The following TSNARE1 variants were observed in gnomAD, a reference collection of about 807,000 sequenced individuals.
The protein encoded by TSNARE1 is t-SNARE domain containing 1.
Under a neutral mutation model 62.0 loss-of-function variants are expected in TSNARE1, and 49 were observed. The ratio of observed to expected loss-of-function variants is 0.79; its 90% CI spans 0.63 to 1.00. The LOEUF (loss-of-function observed/expected upper bound fraction) is 1.00. Among genes scored for constraint, TSNARE1 ranks in the 50% least tolerant of loss-of-function variants. The probability of loss-of-function intolerance (pLI) is 0.00; values close to 1 mark genes in which losing one functional copy is unlikely to be tolerated. For missense variants in TSNARE1, 755 were observed against 700.1 expected (o/e 1.08, Z -0.88); for synonymous variants, 328 against 294.4 (o/e 1.11, Z -1.17).
At chr8:142,222,843 TTCATCCACTCAC>T (rs1481246812) in intron 13 of TSNARE1, among the ~76,000 whole-genome samples, 2 of 98,138 alleles carry the variant, frequency 2.0e-5, no homozygotes, top group Non-Finnish European at 4.2e-5. Flanking sequence ...CACTCACTCA[TTCATCCACTCAC>T]TCATCCACTC....
chr8:142,223,129 T>TCAC (rs1554624347), intron 13 of TSNARE1, among the ~76,000 whole-genome samples: 1 of 63,560 alleles, frequency 1.6e-5, no homozygotes, highest in Non-Finnish European at 3.5e-5. Flanking sequence ...CATTCACTCA[T>TCAC]TCACTCATTC....
chr8:142,360,399 C>T (rs1250519964), intron 1 of TSNARE1, among the ~76,000 whole-genome samples: 1 of 152,130 alleles, frequency 6.6e-6, no homozygotes, highest in South Asian at 2.1e-4. Flanking sequence ...TTCGCAGCCC[C>T]GCTGAGCGGA....
At chr8:142,340,860 G>C (rs368224296) in intron 4 of TSNARE1, among the ~76,000 whole-genome samples, 2 of 152,240 alleles carry the variant, frequency 1.3e-5, no homozygotes, top group Non-Finnish European at 2.9e-5. Context: ...ATGACACCAC[G>C]TGCCTAGACA....
intron 5 of TSNARE1, among the ~76,000 whole-genome samples, chr8:142,331,230 T>A (rs144993121): frequency 6.6e-6 from 1 of 152,244 alleles, no homozygotes; most frequent in Non-Finnish European, 1.5e-5. Flanking sequence ...TCTGAGGAGC[T>A]GCCTCCAGCA....
At chr8:142,373,545 C>T (rs181603896) in intron 1 of TSNARE1, among the ~76,000 whole-genome samples, 4 of 152,234 alleles carry the variant, frequency 2.6e-5, no homozygotes, top group East Asian at 1.9e-4. Flanking sequence ...GGCAGGCCCA[C>T]GAGCTCCATG....
intron 11 of TSNARE1, chr8:142,276,528 G>A (rs1820529196): frequency 2.0e-6 from 2 of 985,344 alleles, no homozygotes; most frequent in Non-Finnish European, 1.2e-6. Flanking sequence ...GTGGACAGTG[G>A]AGAGCATTTG....
At chr8:142,338,707 G>T (rs111638447) in intron 4 of TSNARE1, among the ~76,000 whole-genome samples, 4,750 of 152,356 alleles carry the variant, frequency 0.031, 270 homozygotes, top group African/African-American at 0.11. Context: ...ATGTGGCCCC[G>T]GCTCAGGTTC....
intron 13 of TSNARE1, among the ~76,000 whole-genome samples, chr8:142,222,387 G>C (rs62650714): frequency 0.33 from 8,438 of 25,620 alleles, 2,530 homozygotes; most frequent in Middle Eastern, 0.52. Flanking sequence ...CACTCACTCA[G>C]TCATCCACTC....
intron 9 of TSNARE1, among the ~76,000 whole-genome samples, chr8:142,311,536 A>G (rs1827628295): frequency 6.6e-6 from 1 of 151,834 alleles, no homozygotes; most frequent in Non-Finnish European, 1.5e-5. Context: ...ACCTCAGGTG[A>G]TCCACCCACC....
At chr8:142,221,762 CACT>C (rs1816239856) in intron 13 of TSNARE1, among the ~76,000 whole-genome samples, 1 of 151,006 alleles carries the variant, frequency 6.6e-6, no homozygotes, top group Non-Finnish European at 1.5e-5. Flanking sequence ...CTCATTCACT[CACT>C]CACTCACTCA....
intron 1 of TSNARE1, among the ~76,000 whole-genome samples, chr8:142,388,006 T>C (rs1295098148): frequency 6.6e-6 from 1 of 152,122 alleles, no homozygotes; most frequent in African/African-American, 2.4e-5. Flanking sequence ...TAAAAATCAA[T>C]TAAATATCAG....
chr8:142,255,428 C>G (rs1196193744), intron 12 of TSNARE1, among the ~76,000 whole-genome samples: 3 of 95,500 alleles, frequency 3.1e-5, no homozygotes, highest in African/African-American at 4.9e-5. Flanking sequence ...ATCACCACCA[C>G]CACCACTGTC....
At chr8:142,299,228 C>A (rs533019590) in intron 10 of TSNARE1, among the ~76,000 whole-genome samples, 1 of 152,318 alleles carries the variant, frequency 6.6e-6, no homozygotes, top group African/African-American at 2.4e-5. Flanking sequence ...AACTAAGGGG[C>A]AAGGGAGAAG....
chr8:142,293,001 T>C (rs570728267), intron 10 of TSNARE1, among the ~76,000 whole-genome samples: 2 of 152,196 alleles, frequency 1.3e-5, no homozygotes, highest in South Asian at 2.1e-4. Flanking sequence ...AGACCACGGC[T>C]CGCCTTTCCT....
At chr8:142,347,440 C>T (rs1344319067) in intron 2 of TSNARE1, among the ~76,000 whole-genome samples, 1 of 152,210 alleles carries the variant, frequency 6.6e-6, no homozygotes, top group Non-Finnish European at 1.5e-5. Flanking sequence ...AGGGCCTGTC[C>T]CTCCAGCTCC....
In TSNARE1 at chr8:142,318,623, T is replaced by A. The variant is rs761960512; in HGVS notation, c.905A>T (p.Gln302Leu). ...TGCAATGGTCTTGTTGGTCTCCTGC[T>A]GTGCCGTGTGCCTGGGGGCCGAGAA... The part of the protein sequence containing the change: ...QELRDSLHTA[Q>L]QETNKTIAAS... The change falls in exon 7 of 14, where the codon CAG becomes CTG. Residue 302 changes from glutamine to leucine, a missense_variant. By Grantham distance (113) the Gln-to-Leu change is moderately radical (BLOSUM62 -2). Coordinates refer to ENST00000524325, the MANE Select transcript of TSNARE1 (RefSeq NM_145003.5). The A allele has an allele frequency of 1.9e-6, 3 of 1,613,500 alleles. No homozygotes were observed. The highest frequency in any genetic ancestry group is 3.3e-5 in the Admixed American group (2 of 59,974).
chr8:142,294,771 T>TG (rs1727816885), intron 10 of TSNARE1, among the ~76,000 whole-genome samples: 1 of 152,230 alleles, frequency 6.6e-6, no homozygotes, highest in Admixed American at 6.5e-5. Flanking sequence ...GGACGGGCAG[T>TG]GGCTCCTGGA....
At chr8:142,385,428 T>C (rs1164969585) in intron 1 of TSNARE1, among the ~76,000 whole-genome samples, 1 of 152,230 alleles carries the variant, frequency 6.6e-6, no homozygotes, top group East Asian at 1.9e-4. Flanking sequence ...TCAATGAGCA[T>C]GAACTATTAA....
chr8:142,295,374 C>A (rs536425699), intron 10 of TSNARE1, among the ~76,000 whole-genome samples: 1 of 152,248 alleles, frequency 6.6e-6, no homozygotes, highest in African/African-American at 2.4e-5. Flanking sequence ...GCATGGTGTC[C>A]TCCCTGGAGG....
Sources: allele counts gnomAD v4.1 joint callset (sites outside exome capture counted in the v4.1 genomes callset), GRCh38; gene constraint gnomAD v4.1.1; transcripts MANE v1.5; gene names NCBI Gene and HGNC (gene_info 2026-07-23, HGNC 2026-07-21).